The following ADAMTS12 variants were observed in gnomAD, a reference collection of about 807,000 sequenced individuals.
The protein encoded by ADAMTS12 is ADAM metallopeptidase with thrombospondin type 1 motif 12.
A neutral mutation model predicts 167.8 loss-of-function variants in ADAMTS12; 118 were observed. The observed-to-expected ratio is 0.70, with a 90% CI of 0.61 to 0.82. The LOEUF (loss-of-function observed/expected upper bound fraction) is 0.82, where lower values mean the gene tolerates loss of function less well. ADAMTS12 is among the 40% of genes least tolerant of loss of function. The probability of loss-of-function intolerance (pLI) is 0.00; values close to 1 mark genes in which losing one functional copy is unlikely to be tolerated. For missense variants in ADAMTS12, 1,916 were observed against 1,998.8 expected (o/e 0.96, Z 0.79); for synonymous variants, 704 against 716.9 (o/e 0.98, Z 0.29).
chr5:33,592,377 A>G (rs1045170539), intron 17 of ADAMTS12, among the ~76,000 whole-genome samples: 2 of 152,222 alleles, frequency 1.3e-5, no homozygotes, highest in African/African-American at 2.4e-5. Flanking sequence ...TGAAACCTAC[A>G]TGTAGCTGCC....
intron 16 of ADAMTS12, among the ~76,000 whole-genome samples, chr5:33,600,973 C>CT (rs1738158327): frequency 6.6e-6 from 1 of 151,990 alleles, no homozygotes; most frequent in Non-Finnish European, 1.5e-5. Context: ...AAATATTTAC[C>CT]TTTTTTCTTT....
chr5:33,695,879 T>A, intron 3 of ADAMTS12, among the ~76,000 whole-genome samples: 1 of 152,236 alleles, frequency 6.6e-6, no homozygotes, highest in Non-Finnish European at 1.5e-5. Context: ...ATGTATATGT[T>A]ACCAAAAACT....
intron 12 of ADAMTS12, among the ~76,000 whole-genome samples, chr5:33,635,736 G>A (rs1034220186): frequency 4.6e-5 from 7 of 152,124 alleles, no homozygotes; most frequent in Non-Finnish European, 8.8e-5. Flanking sequence ...TGACATGAAC[G>A]ACCTACTGGC....
chr5:33,637,710 T>C lies in ADAMTS12; in HGVS notation c.1755A>G (p.Arg585=). Residue 585 remains arginine, a synonymous_variant, in exon 12 of 24, where the codon AGA becomes AGG. Coordinates refer to ENST00000504830, the MANE Select transcript of ADAMTS12 (RefSeq NM_030955.4). ...KFGGKYCTGE[R]KRYRLCNVHP... ...GGACGTTGCACAAGCGATAGCGTTT[T>C]CTTTCTCCAGTGCAATATTTCCCTC... The C allele has an allele frequency of 6.2e-7, 1 of 1,613,582 alleles. No homozygotes were observed. The highest frequency in any genetic ancestry group is 8.5e-7 in the Non-Finnish European group (1 of 1,179,622).
intron 5 of ADAMTS12, among the ~76,000 whole-genome samples, chr5:33,672,312 A>T (rs542757419): frequency 6.7e-6 from 1 of 150,242 alleles, no homozygotes; most frequent in East Asian, 2.0e-4. Flanking sequence ...ACTCATATAC[A>T]CACAGATCCA....
intron 15 of ADAMTS12, 34 bp downstream of exon 15, chr5:33,615,794 C>T (rs781237220): frequency 2.5e-6 from 4 of 1,612,190 alleles, no homozygotes; most frequent in East Asian, 4.5e-5. Context: ...CTAACTAGCA[C>T]ACATGTCAGC....
At chr5:33,666,590 T>A (rs1579815367) in intron 5 of ADAMTS12, among the ~76,000 whole-genome samples, 1 of 152,066 alleles carries the variant, frequency 6.6e-6, no homozygotes, top group East Asian at 1.9e-4. Flanking sequence ...CCTCCCAGGT[T>A]CAAGGGATTC....
intron 2 of ADAMTS12, among the ~76,000 whole-genome samples, chr5:33,823,794 C>A (rs771441013): frequency 2.6e-5 from 4 of 152,040 alleles, no homozygotes; most frequent in Non-Finnish European, 4.4e-5. Flanking sequence ...TTCAGAATGA[C>A]CCTTGAGATT....
At chr5:33,883,237 CA>C (rs1750513625) in intron 1 of ADAMTS12, among the ~76,000 whole-genome samples, 1 of 151,696 alleles carries the variant, frequency 6.6e-6, no homozygotes, top group Non-Finnish European at 1.5e-5. Flanking sequence ...TATCAGTAAA[CA>C]CTATTGCAGC....
rs576833990 is a variant in ADAMTS12 at position 33,531,610 on chromosome 5, C to T, written c.4606+3223G>A. Among the ~76,000 whole-genome samples the T allele has an allele frequency of 5.3e-5, 8 of 152,292 alleles. No homozygotes were observed. In the East Asian group the frequency reaches 1.5e-3, roughly 29 times the overall value. On this transcript the variant is annotated intron_variant, in intron 23 of 23. Transcript: ENST00000504830. ...AAGCTTTGTCTCTGAGAGAATGAAT[C>T]TCTTGTACTGGTGATGGGGCAGGAG...
rs959228521 is a variant in ADAMTS12, at chr5:33,765,895, T to C, written c.490-14347A>G. 5.9e-5 allele frequency among the ~76,000 whole-genome samples: 9 copies of C among 152,230 alleles called. No individual in the cohort carries two copies. The South Asian group carries it at 1.7e-3, about 28-fold the overall frequency. ...ATCTCTTTCAGATGATGTGATTAAG[T>C]GCTCACTGTCTTGAGTATCCTTGAT... On this transcript the variant is annotated intron_variant, in intron 2 of 23. Coordinates refer to ENST00000504830, the MANE Select transcript of ADAMTS12 (RefSeq NM_030955.4).
chr5:33,528,409 C>A (rs1743924145), intron 23 of ADAMTS12, among the ~76,000 whole-genome samples: 1 of 152,094 alleles, frequency 6.6e-6, no homozygotes, highest in Admixed American at 6.5e-5. Context: ...ACTTTGGTAC[C>A]CCCAAAACTA....
intron 1 of ADAMTS12, among the ~76,000 whole-genome samples, chr5:33,882,081 T>C (rs1750469305): frequency 1.3e-5 from 2 of 152,168 alleles, no homozygotes; most frequent in Non-Finnish European, 2.9e-5. Flanking sequence ...GGGCAAGATC[T>C]GAATGAGGAA....
chr5:33,630,826 A>C lies in ADAMTS12; in HGVS notation c.1976T>G (p.Phe659Cys). Residue 659 changes from phenylalanine (F) to cysteine (C), a missense_variant, in exon 13 of 24, where the codon TTT becomes TGT. Phe to Cys is a radical substitution (Grantham distance 205). Transcript: ENST00000504830. ...GACATTTCTGCTGTTGCCGCCTTCA[A>C]AGCAAGGGGTACCATCAATGACAGC... Reference protein sequence around the residue: ...LDAVIDGTPCFEGGNSRNVCI... With the variant: ...LDAVIDGTPCCEGGNSRNVCI... The C allele has an allele frequency of 6.2e-7, 1 of 1,613,768 alleles. No individual in the cohort carries two copies. The highest frequency in any genetic ancestry group is 1.7e-5 in the Admixed American group (1 of 60,002).
Position 33,588,781 on chromosome 5 carries a change from A to G in ADAMTS12, c.2683T>C (p.Ser895Pro). The G allele has an allele frequency of 1.9e-6, 3 of 1,613,638 alleles. No homozygotes were observed. Among genetic ancestry groups the G allele is most frequent in the Non-Finnish European group, 2.5e-6 (3 of 1,179,988 alleles). ...TCCCCGTGGGGCCCGCATGTCGCCGAGCATGCTTCCCACTCCCCTGCCCAC... is the reference window on the plus strand; with the variant it reads ...TCCCCGTGGGGCCCGCATGTCGCCGGGCATGCTTCCCACTCCCCTGCCCAC... ...RWWAGEWEAC[S>P]ATCGPHGEKK... is the part of the protein sequence containing the mutation. Residue 895 changes from serine (S) to proline (P), a missense_variant, in exon 18 of 24, where the codon TCG becomes CCG. Transcript: ENST00000504830.
At chr5:33,561,420 G>A (rs961618884) in intron 19 of ADAMTS12, among the ~76,000 whole-genome samples, 4 of 152,212 alleles carry the variant, frequency 2.6e-5, no homozygotes, top group Admixed American at 1.3e-4. Context: ...AAATAGTCAC[G>A]GTTGAGAAAC....
At chr5:33,683,729 C>G in intron 4 of ADAMTS12, 130 bp downstream of exon 4, 1 of 530,398 alleles carries the variant, frequency 1.9e-6, no homozygotes, top group Non-Finnish European at 2.9e-6. Context: ...TAGGCAGGTA[C>G]TAGATTCACA....
chr5:33,839,216 A>G (rs1018454763), intron 2 of ADAMTS12, among the ~76,000 whole-genome samples: 22 of 152,206 alleles, frequency 1.4e-4, no homozygotes, highest in African/African-American at 4.8e-4. Flanking sequence ...CCTCAGTGTC[A>G]TTGTCTACAA....
chr5:33,664,053 A>G (rs150487388), intron 5 of ADAMTS12, among the ~76,000 whole-genome samples: 161 of 152,320 alleles, frequency 1.1e-3, no homozygotes, highest in Non-Finnish European at 1.8e-3. Context: ...TTGAAGATTC[A>G]ACATAATAAA....
Sources: allele counts gnomAD v4.1 joint callset (sites outside exome capture counted in the v4.1 genomes callset), GRCh38; gene constraint gnomAD v4.1.1; transcripts MANE v1.5; gene names NCBI Gene and HGNC (gene_info 2026-07-23, HGNC 2026-07-21).